CREB5: variants seen among roughly 807,000 people sequenced by gnomAD.
CREB5 encodes cAMP responsive element binding protein 5, also known as cyclic AMP-responsive element-binding protein 5.
CREB5 carries 19 observed loss-of-function variants against 57.1 expected under a neutral mutation model. The observed-to-expected ratio is 0.33, with a 90% confidence interval of 0.23 to 0.49. The LOEUF is 0.49. Ranked by LOEUF, CREB5 falls within the 20% of genes least tolerant of loss-of-function variation. The pLI is 0.99. For synonymous variants in CREB5, 238 were observed against 238.3 expected, an observed-to-expected ratio of 1.00 and a Z score of 0.01; for missense variants, 579 against 671.6, an observed-to-expected ratio of 0.86 and a Z score of 1.52.
At chr7:28,697,290 G>A (rs531963252) in intron 5 of CREB5, among the ~76,000 whole-genome samples, 1 of 152,254 alleles carries the variant, frequency 6.6e-6, no homozygotes, top group South Asian at 2.1e-4. Flanking sequence ...CCACCAGAAT[G>A]CTGGGCAAGG....
chr7:28,347,265 G>T lies in CREB5; in HGVS notation c.-25+47824G>T, dbSNP rs1583696651. On this transcript the variant is annotated intron_variant, in intron 1 of 9. Transcript: ENST00000396299. ...TTGATTGTGAGATTTCCAGTGTGTTGTTCCAGCCATTTTACATTACAAAAC... is the reference window on the plus strand; with the variant it reads ...TTGATTGTGAGATTTCCAGTGTGTTTTTCCAGCCATTTTACATTACAAAAC... Among the ~76,000 whole-genome samples the T allele has an allele frequency of 2.6e-5, 4 of 152,118 alleles. No individual in the cohort carries two copies. In the South Asian group the frequency reaches 6.2e-4, roughly 24 times the overall value.
chr7:28,762,215 T>C (rs1200722879), intron 7 of CREB5, among the ~76,000 whole-genome samples: 1 of 152,210 alleles, frequency 6.6e-6, no homozygotes, highest in African/African-American at 2.4e-5. Context: ...TTTGGGTCGA[T>C]GAACTTCAAA....
Position 28,821,431 on chromosome 7 carries a change from G to A in CREB5, c.*2152G>A, listed in dbSNP as rs1289629892. ...GAGTGTCCAGTGAAACTTATGACTT[G>A]GATATATGGTTGAAGAATCAAAACA... is the stretch of plus-strand genomic sequence containing the variant. On this transcript the variant is annotated 3_prime_UTR_variant, in exon 11 of 11. Transcript: ENST00000357727. 1.3e-5 allele frequency: 2 copies of A among 149,534 alleles called. No homozygotes were observed. The highest frequency in any genetic ancestry group is 3.0e-5 in the Non-Finnish European group (2 of 67,660). The allele number at this position is 149,534 out of a possible 1,614,324, so 9.3% of individuals were successfully genotyped here.
At chr7:28,318,867 AC>A (rs1447968706) in intron 1 of CREB5, among the ~76,000 whole-genome samples, 1 of 152,158 alleles carries the variant, frequency 6.6e-6, no homozygotes, top group African/African-American at 2.4e-5. Flanking sequence ...ATAATATAAC[AC>A]CTGGAAATAA....
At chr7:28,684,853 G>A (rs1800781462) in intron 5 of CREB5, among the ~76,000 whole-genome samples, 1 of 152,140 alleles carries the variant, frequency 6.6e-6, no homozygotes, top group East Asian at 1.9e-4. Context: ...GAAACATGAA[G>A]TGTGGGGAGA....
intron 5 of CREB5, among the ~76,000 whole-genome samples, chr7:28,581,587 A>G (rs900095154): frequency 2.0e-5 from 3 of 152,128 alleles, no homozygotes; most frequent in Non-Finnish European, 2.9e-5. Flanking sequence ...TTCCTCCCAT[A>G]GTGGTTGTTT....
rs138728285 is a variant in CREB5, at chr7:28,717,216, G to A, written c.465-1537G>A. 8.6e-3 allele frequency among the ~76,000 whole-genome samples: 1,294 copies of A among 150,566 alleles called. 12 individuals carry two copies. Among genetic ancestry groups the A allele is most frequent in the Non-Finnish European group, 0.01 (709 of 67,752 alleles). ...TGAGATTACAGACGTGCGCCACCAC[G>A]CCCAGCTAATTTTTGTGTTTTTAAT... On this transcript the variant is annotated intron_variant, in intron 5 of 10. Coordinates refer to ENST00000357727, the MANE Select transcript of CREB5 (RefSeq NM_182898.4).
chr7:28,419,207 A>C (rs1788137228), intron 1 of CREB5, among the ~76,000 whole-genome samples: 1 of 152,202 alleles, frequency 6.6e-6, no homozygotes, highest in East Asian at 1.9e-4. Flanking sequence ...TAATGATGTA[A>C]GTTACTCATC....
chr7:28,429,945 A>G (rs1380973474), intron 1 of CREB5, among the ~76,000 whole-genome samples: 2 of 152,222 alleles, frequency 1.3e-5, no homozygotes, highest in Non-Finnish European at 2.9e-5. Context: ...GGAAATGATA[A>G]TGAAAGAAAG....
intron 4 of CREB5, among the ~76,000 whole-genome samples, chr7:28,565,831 G>A (rs1001264218): frequency 6.6e-6 from 1 of 152,274 alleles, no homozygotes; most frequent in African/African-American, 2.4e-5. Flanking sequence ...TGAGGCAGGA[G>A]AATCGCTTGA....
At chr7:28,342,579 T>G (rs1395556807) in intron 1 of CREB5, among the ~76,000 whole-genome samples, 1 of 152,228 alleles carries the variant, frequency 6.6e-6, no homozygotes, top group Non-Finnish European at 1.5e-5. Flanking sequence ...TTATAAAACA[T>G]AAGATTTCTT....
At position 28,821,487 on chromosome 7, in the gene CREB5, G is replaced by T. The variant is rs779914080; in HGVS notation, c.*2208G>T. On this transcript the variant is annotated 3_prime_UTR_variant, in exon 11 of 11. Transcript: ENST00000357727. ...AAAAAAAAAAAGCAAAAAAAGAAAAGAGAAAAAAAGAAAAAATGCAAATGG... is the reference window on the plus strand; with the variant it reads ...AAAAAAAAAAAGCAAAAAAAGAAAATAGAAAAAAAGAAAAAATGCAAATGG... 1 of 148,836 alleles carries T rather than the reference G, an allele frequency of 6.7e-6. No homozygotes were observed. The allele number at this position is 148,836 out of a possible 1,614,324, so 9.2% of individuals were successfully genotyped here. A position where few individuals can be genotyped will look rare whatever the true frequency, so the allele number is the denominator to read the frequency against.
At chr7:28,424,072 T>C (rs777281632) in intron 1 of CREB5, among the ~76,000 whole-genome samples, 22 of 152,218 alleles carry the variant, frequency 1.4e-4, no homozygotes, top group Non-Finnish European at 3.1e-4. Flanking sequence ...GCCTCCCTCC[T>C]TCTTCTGTCT....
chr7:28,473,930 T>C (rs926005272), intron 1 of CREB5, among the ~76,000 whole-genome samples: 4 of 152,224 alleles, frequency 2.6e-5, no homozygotes, highest in African/African-American at 9.6e-5. Flanking sequence ...GTGGCTTTTG[T>C]GCACTGTGGA....
chr7:28,766,761 G>T lies in CREB5; in HGVS notation c.703-37438G>T, dbSNP rs183621003. On this transcript the variant is annotated intron_variant, in intron 7 of 10. Transcript: ENST00000357727. ...AATAGTGAGGAGGAAGACTCCCTCAGGTGTCCAGCTCAGCCACATTGGTAA... is the reference window on the plus strand; with the variant it reads ...AATAGTGAGGAGGAAGACTCCCTCATGTGTCCAGCTCAGCCACATTGGTAA... Among the ~76,000 whole-genome samples the T allele has an allele frequency of 1.3e-3, 192 of 152,296 alleles. 1 individual carries two copies. Among genetic ancestry groups the T allele is most frequent in the African/African-American group, 4.4e-3 (183 of 41,568 alleles).
chr7:28,560,877 TGC>T (rs1252188779), intron 4 of CREB5, among the ~76,000 whole-genome samples: 1,607 of 30,784 alleles, frequency 0.052, 231 homozygotes, highest in African/African-American at 0.23. Flanking sequence ...TGCGTGCGCG[TGC>T]GTGCGTGCGT....
chr7:28,809,467 C>T, intron 9 of CREB5, 53 bp downstream of exon 9: 4 of 1,495,286 alleles, frequency 2.7e-6, no homozygotes, highest in Non-Finnish European at 3.6e-6. Flanking sequence ...GCTCCACGGG[C>T]ATTTCCGGCC....
At chr7:28,382,060 C>T (rs754956030) in intron 1 of CREB5, among the ~76,000 whole-genome samples, 8 of 152,248 alleles carry the variant, frequency 5.3e-5, no homozygotes, top group South Asian at 2.1e-4. Context: ...CAGTTCAAGG[C>T]GGAAGGCCCG....
intron 7 of CREB5, among the ~76,000 whole-genome samples, chr7:28,769,916 T>G (rs1806229417): frequency 6.6e-6 from 1 of 152,182 alleles, no homozygotes; most frequent in South Asian, 2.1e-4. Flanking sequence ...AATCAGACCT[T>G]TCCATGACCA....
Sources: gnomAD v4.1 joint callset for allele counts (sites outside exome capture counted in the v4.1 genomes callset) on GRCh38, gnomAD v4.1.1 for gene constraint, MANE v1.5 for transcripts, NCBI Gene and HGNC (gene_info 2026-07-23, HGNC 2026-07-21) for gene names.